The following TRIM36 variants were observed in gnomAD, a reference collection of about 807,000 sequenced individuals.
The protein encoded by TRIM36 is E3 ubiquitin-protein ligase TRIM36.
Under a neutral mutation model 72.4 loss-of-function variants are expected in TRIM36, and 42 were observed. That is an observed-to-expected ratio of 0.58 (90% CI 0.45 to 0.75). The LOEUF is 0.75. Among genes scored for constraint, TRIM36 ranks in the 30% least tolerant of loss-of-function variants. The pLI, the probability that TRIM36 is intolerant of heterozygous loss-of-function variation, is 0.00. For missense variants in TRIM36, 913 were observed against 857.1 expected, an observed-to-expected ratio of 1.07 and a Z score of -0.81; for synonymous variants, 315 against 282.8, an observed-to-expected ratio of 1.11 and a Z score of -1.14.
intron 9 of TRIM36, 81 bp downstream of exon 9, chr5:115,130,511 C>T: frequency 6.8e-7 from 1 of 1,468,562 alleles, no homozygotes; most frequent in Non-Finnish European, 9.2e-7. Flanking sequence ...GAAATGTATA[C>T]TCCAAATGTA....
rs59399733 is a variant in TRIM36 at position 115,158,739 on chromosome 5, C to T, written c.262+4779G>A. Among the ~76,000 whole-genome samples, 102 of 152,244 alleles carry T rather than the reference C, an allele frequency of 6.7e-4. No individual in the cohort carries two copies. The East Asian group carries it at 0.019, about 28-fold the overall frequency. On this transcript the variant is annotated intron_variant, in intron 2 of 9. Coordinates refer to ENST00000513154, the MANE Select transcript of TRIM36 (RefSeq NM_001300759.2). ...TGTAAAATTTATTTCTCTCAACTACCCTCTGAACCAAAAATGGGTAGTAGC... is the reference window on the plus strand; with the variant it reads ...TGTAAAATTTATTTCTCTCAACTACTCTCTGAACCAAAAATGGGTAGTAGC...
chr5:115,128,923 C>A (rs1191763515), intron 9 of TRIM36, among the ~76,000 whole-genome samples: 3 of 152,074 alleles, frequency 2.0e-5, no homozygotes, highest in African/African-American at 7.2e-5. Context: ...CAAATTCACT[C>A]ATGGATGCAC....
intron 1 of TRIM36, chr5:115,177,674 AC>A: frequency 3.7e-6 from 6 of 1,607,022 alleles, no homozygotes; most frequent in Non-Finnish European, 5.1e-6. Context: ...AAATAAGCTT[AC>A]GTTGAAATGG....
In TRIM36 at chr5:115,130,612, G is replaced by A. The variant is rs1345271596; in HGVS notation, c.1776C>T (p.Pro592=). Residue 592 remains proline (P), a synonymous_variant, in exon 9 of 10, where the codon CCC becomes CCT. Transcript: ENST00000513154. The part of the protein sequence containing the change: ...SDKLQEWLRS[P]RDAVSPRYEQ... Reference sequence around the variant, plus strand: ...CCTACCTTGGACTAACTGCATCCCGGGGAGAACGGAGCCATTCTTGTAGTT... The same window carrying A: ...CCTACCTTGGACTAACTGCATCCCGAGGAGAACGGAGCCATTCTTGTAGTT... 1 of 1,613,932 alleles carries A rather than the reference G, an allele frequency of 6.2e-7. No individual in the cohort carries two copies. Among genetic ancestry groups the A allele is most frequent in the Non-Finnish European group, 8.5e-7 (1 of 1,179,966 alleles).
rs758667160 is a variant in TRIM36 at position 115,136,989 on chromosome 5, T to A, written c.1210+11A>T. On this transcript the variant is annotated intron_variant, in intron 7 of 9. Coordinates refer to ENST00000513154, the MANE Select transcript of TRIM36 (RefSeq NM_001300759.2). Reference sequence around the variant, plus strand: ...AAAAAGAATGAGGTTTTTGCCTTCATTAAGACTTACCACTAGAGAAAAAGG... The same window carrying A: ...AAAAAGAATGAGGTTTTTGCCTTCAATAAGACTTACCACTAGAGAAAAAGG... 5 of 1,577,538 alleles carry A rather than the reference T, an allele frequency of 3.2e-6. No homozygotes were observed. In the Admixed American group the frequency reaches 9.8e-5, roughly 31 times the overall value.
chr5:115,164,236 T>A (rs1754639657), intron 1 of TRIM36, among the ~76,000 whole-genome samples: 1 of 152,216 alleles, frequency 6.6e-6, no homozygotes, highest in Admixed American at 6.5e-5. Context: ...CTAGTTGGTA[T>A]CTATTTACAA....
intron 3 of TRIM36, 132 bp downstream of exon 3, chr5:115,146,937 A>T (rs1159972318): frequency 1.0e-6 from 1 of 989,520 alleles, no homozygotes; most frequent in Non-Finnish European, 1.4e-6. Flanking sequence ...TTAAGTTCTT[A>T]TACCTGCTTT....
chr5:115,158,492 T>C (rs938153237), intron 2 of TRIM36, among the ~76,000 whole-genome samples: 1 of 152,224 alleles, frequency 6.6e-6, no homozygotes, highest in Admixed American at 6.5e-5. Flanking sequence ...CCTCTGCCGG[T>C]TGCATCCTCT....
chr5:115,149,400 T>C (rs1306867232), intron 2 of TRIM36: 2 of 151,534 alleles, frequency 1.3e-5, no homozygotes, highest in Non-Finnish European at 2.9e-5. Context: ...GATGAAAATT[T>C]AGATAAATAG....
rs1029933908 is a variant in TRIM36, at chr5:115,130,845, G to A, written c.1543C>T (p.His515Tyr). The change falls in exon 9 of 10, where the codon CAC becomes TAC. Residue 515 changes from histidine to tyrosine, a missense_variant. Transcript: ENST00000513154. ...TCTCTCTTCAAGTTCAGCAGGAGGT[G>A]TTCATTATTATAGCCACATTTTTCA... Reference protein sequence around the residue: ...FDEKCGYNNEHLLLNLKRDRV... With the variant: ...FDEKCGYNNEYLLLNLKRDRV... The A allele has an allele frequency of 3.1e-6, 5 of 1,613,338 alleles. No homozygotes were observed. Among genetic ancestry groups the A allele is most frequent in the Admixed American group, 3.3e-5 (2 of 59,978 alleles).
At chr5:115,177,704 C>T in intron 1 of TRIM36, 1 of 1,613,760 alleles carries the variant, frequency 6.2e-7, no homozygotes, top group South Asian at 1.1e-5. Flanking sequence ...CTACTCCAGA[C>T]CAACTCTCCC....
chr5:115,128,284 G>A (rs1752461265), intron 9 of TRIM36, among the ~76,000 whole-genome samples: 2 of 150,808 alleles, frequency 1.3e-5, no homozygotes, highest in African/African-American at 4.9e-5. Flanking sequence ...CAGGAGAATT[G>A]CTTGAACCCA....
intron 2 of TRIM36, among the ~76,000 whole-genome samples, chr5:115,162,206 T>C (rs1386131417): frequency 3.3e-5 from 5 of 152,142 alleles, no homozygotes; most frequent in South Asian, 4.1e-4. Context: ...ATTCTAAGTT[T>C]CCCCTCTCAG....
intron 1 of TRIM36, among the ~76,000 whole-genome samples, chr5:115,176,912 G>C (rs551578809): frequency 6.6e-6 from 1 of 152,166 alleles, no homozygotes; most frequent in Non-Finnish European, 1.5e-5. Flanking sequence ...GAGAATGATC[G>C]TAAGTATTAA....
Position 115,169,777 on chromosome 5 carries a change from G to A in TRIM36, c.-143C>T. The stretch of plus-strand genomic sequence containing the variant: ...TGAGCTGGTCAGCTGTACGTGGCCA[G>A]CGGACCGACGCGGGGAGAAGTAAGC... On this transcript the variant is annotated 5_prime_UTR_variant, in exon 1 of 10. Transcript: ENST00000513154. The A allele has an allele frequency of 1.5e-6, 2 of 1,322,230 alleles. No individual in the cohort carries two copies. Among genetic ancestry groups the A allele is most frequent in the Non-Finnish European group, 9.7e-7 (1 of 1,028,308 alleles). 81.9% of individuals were successfully genotyped at this position (1,322,230 alleles called of 1,614,324 possible).
intron 7 of TRIM36, among the ~76,000 whole-genome samples, chr5:115,134,702 G>A (rs1752875078): frequency 6.6e-6 from 1 of 151,962 alleles, no homozygotes; most frequent in South Asian, 2.1e-4. Flanking sequence ...TACCACACCT[G>A]GCTAATTTTT....
Position 115,147,131 on chromosome 5 carries a change from G to C in TRIM36, c.526C>G (p.Pro176Ala). The change falls in exon 3 of 10, where the codon CCT (proline) becomes GCT (alanine). Residue 176 changes from proline (P) to alanine (A), a missense_variant. Pro to Ala is a conservative substitution (Grantham distance 27). Transcript: ENST00000513154. ...YCNECFKIHH[P>A]WGTIKAQHEY... ...TGTTGAGCTTTTATAGTACCCCAAG[G>C]GTGATGAATTTTGAAGCATTCATTG... The C allele has an allele frequency of 1.2e-6, 2 of 1,614,144 alleles. No individual in the cohort carries two copies. The highest frequency in any genetic ancestry group is 1.7e-6 in the Non-Finnish European group (2 of 1,180,012).
At chr5:115,178,300 T>G (rs1755437455) in intron 1 of TRIM36, among the ~76,000 whole-genome samples, 1 of 152,212 alleles carries the variant, frequency 6.6e-6, no homozygotes, top group Non-Finnish European at 1.5e-5. Context: ...AGTCCATTTA[T>G]TTTGTTCAAC....
rs185492260 is a variant in TRIM36, at chr5:115,131,017, C to T, written c.1499-128G>A. On this transcript the variant is annotated intron_variant, in intron 8 of 9. Coordinates refer to ENST00000513154, the MANE Select transcript of TRIM36 (RefSeq NM_001300759.2). ...GCGGGAAGGAGGTGTCACACTACCC[C>T]GGACAACTATGACAAACCAAAACCC... The T allele has an allele frequency of 9.4e-6, 10 of 1,062,544 alleles. No homozygotes were observed. In the East Asian group the frequency reaches 1.0e-4, roughly 11 times the overall value. The allele number at this position is 1,062,544 out of a possible 1,614,324, so 65.8% of individuals were successfully genotyped here. A position where few individuals can be genotyped will look rare whatever the true frequency, so the allele number is the denominator to read the frequency against.
Sources: gnomAD v4.1 joint callset for allele counts (sites outside exome capture counted in the v4.1 genomes callset) on GRCh38, gnomAD v4.1.1 for gene constraint, MANE v1.5 for transcripts, NCBI Gene and HGNC (gene_info 2026-07-23, HGNC 2026-07-21) for gene names.